PPP6C: variants seen among roughly 807,000 people sequenced by gnomAD.
The protein encoded by PPP6C is serine/threonine-protein phosphatase 6 catalytic subunit.
PPP6C carries 11 observed loss-of-function variants against 39.8 expected under a neutral mutation model. The ratio of observed to expected loss-of-function variants is 0.28; its 90% confidence interval spans 0.17 to 0.46. The LOEUF (loss-of-function observed/expected upper bound fraction) is 0.46, where lower values mean the gene tolerates loss of function less well. PPP6C is among the 20% of genes least tolerant of loss of function. PPP6C has a pLI of 1.00. For missense variants in PPP6C, 211 were observed against 373.9 expected (o/e 0.56, Z 3.59); for synonymous variants, 129 against 130.3 (o/e 0.99, Z 0.07).
At chr9:125,168,664 T>A (rs1829077548) in intron 2 of PPP6C, among the ~76,000 whole-genome samples, 1 of 150,582 alleles carries the variant, frequency 6.6e-6, no homozygotes, top group Admixed American at 6.6e-5. Context: ...TCACCATATT[T>A]GCCAGGATGG....
intron 1 of PPP6C, among the ~76,000 whole-genome samples, chr9:125,175,502 G>A (rs1373691415): frequency 6.6e-6 from 1 of 151,806 alleles, no homozygotes; most frequent in South Asian, 2.1e-4. Context: ...AATTAGCGGG[G>A]CATGGTGGCA....
intron 1 of PPP6C, among the ~76,000 whole-genome samples, chr9:125,178,928 C>G (rs1277939906): frequency 6.6e-6 from 1 of 152,044 alleles, no homozygotes; most frequent in African/African-American, 2.4e-5. Flanking sequence ...TAAGAGTTAT[C>G]TGCAGGCCAG....
At chr9:125,151,609 CT>C in intron 6 of PPP6C, 1 of 726,304 alleles carries the variant, frequency 1.4e-6, no homozygotes, top group Non-Finnish European at 2.5e-6. Flanking sequence ...ACTTCTGAGG[CT>C]TTTTAAGAAT....
At position 125,153,951 on chromosome 9, in the gene PPP6C, G is replaced by C; in HGVS notation, c.414C>G (p.Ala138=). 1 of 1,611,802 alleles carries C rather than the reference G, an allele frequency of 6.2e-7. No homozygotes were observed. ...ECQTKYGNAN[A]WRYCTKVFDM... ...CAAAAACTTTGGTACAGTATCTCCA[G>C]GCATTAGCATTTCCATATTTGGTTT... is the stretch of plus-strand genomic sequence containing the variant. The change falls in exon 5 of 7, where the codon GCC becomes GCG. Residue 138 remains alanine (A), a synonymous_variant. Transcript: ENST00000373547.
At chr9:125,170,818 C>G (rs1271077833) in intron 2 of PPP6C, among the ~76,000 whole-genome samples, 1 of 152,114 alleles carries the variant, frequency 6.6e-6, no homozygotes, top group African/African-American at 2.4e-5. Context: ...CTACCTACCC[C>G]CAACCCCACC....
intron 3 of PPP6C, among the ~76,000 whole-genome samples, chr9:125,159,007 T>C (rs1828782136): frequency 6.6e-6 from 1 of 151,598 alleles, no homozygotes; most frequent in Non-Finnish European, 1.5e-5. Flanking sequence ...ATTAGTTGAT[T>C]TGGTCATCTG....
intron 1 of PPP6C, among the ~76,000 whole-genome samples, chr9:125,187,900 C>T (rs769341066): frequency 2.6e-5 from 4 of 151,942 alleles, no homozygotes; most frequent in Non-Finnish European, 5.9e-5. Context: ...CTATTAAAAA[C>T]GGGAAAATGC....
chr9:125,157,967 G>A (rs1263662557), intron 4 of PPP6C, among the ~76,000 whole-genome samples: 1 of 152,050 alleles, frequency 6.6e-6, no homozygotes, highest in Non-Finnish European at 1.5e-5. Context: ...GAGATTACAG[G>A]TGTGAGCCAC....
At chr9:125,174,386 C>T (rs1379802032) in intron 1 of PPP6C, among the ~76,000 whole-genome samples, 1 of 150,086 alleles carries the variant, frequency 6.7e-6, no homozygotes, top group Non-Finnish European at 1.5e-5. Flanking sequence ...AAACATTATA[C>T]AAAAAATCAG....
At position 125,174,302 on chromosome 9, in the gene PPP6C, A is replaced by C. The variant is rs146052735; in HGVS notation, c.76-3122T>G. ...ATAGCTACACAGTAGCAAGAACAGA[A>C]CTCAATGGGAGTGGGAGGGGGGAAA... is the stretch of plus-strand genomic sequence containing the variant. On this transcript the variant is annotated intron_variant, in intron 1 of 6. Transcript: ENST00000373547. 1.7e-4 allele frequency among the ~76,000 whole-genome samples: 26 copies of C among 152,280 alleles called. No homozygotes were observed. The East Asian group carries it at 4.8e-3, about 28-fold the overall frequency.
At chr9:125,188,908 A>G (rs1397108494) in intron 1 of PPP6C, 1 of 1,547,746 alleles carries the variant, frequency 6.5e-7, no homozygotes. Context: ...CAGGAGTAAC[A>G]AGGAACTCAC....
chr9:125,158,381 C>A lies in PPP6C; in HGVS notation c.239G>T (p.Gly80Val). ...ATAGTAACCTCTGTCTACAAAATCA[C>A]CCTGTGAAGTAAAAGTTTACAGTTA... The part of the protein sequence containing the change: ...QVPDTNYIFM[G>V]DFVDRGYYSL... Residue 80 changes from glycine to valine, a missense_variant and splice_region_variant, in exon 4 of 7, where the codon GGT (glycine) becomes GTT (valine). Gly to Val is a moderately radical substitution (Grantham distance 109). Coordinates refer to ENST00000373547, the MANE Select transcript of PPP6C (RefSeq NM_002721.5). 1 of 1,612,140 alleles carries A rather than the reference C, an allele frequency of 6.2e-7. No individual in the cohort carries two copies. Among genetic ancestry groups the A allele is most frequent in the Non-Finnish European group, 8.5e-7 (1 of 1,179,136 alleles).
chr9:125,166,125 C>A (rs1829007411), intron 2 of PPP6C, among the ~76,000 whole-genome samples: 1 of 152,048 alleles, frequency 6.6e-6, no homozygotes, highest in East Asian at 1.9e-4. Flanking sequence ...TACCCTGTTA[C>A]ATTTGTTATC....
chr9:125,172,607 TA>T (rs1829195836), intron 1 of PPP6C, among the ~76,000 whole-genome samples: 1 of 152,112 alleles, frequency 6.6e-6, no homozygotes. Context: ...GGTGTGGCTA[TA>T]AAAGGGCAAC....
intron 1 of PPP6C, among the ~76,000 whole-genome samples, chr9:125,187,856 C>T (rs144094668): frequency 4.8e-4 from 73 of 152,086 alleles, no homozygotes; most frequent in African/African-American, 1.7e-3. Flanking sequence ...TGCTACATTA[C>T]TACTAACGAA....
intron 1 of PPP6C, among the ~76,000 whole-genome samples, chr9:125,182,705 C>G (rs1436827962): frequency 1.3e-5 from 2 of 149,512 alleles, no homozygotes; most frequent in South Asian, 4.3e-4. Context: ...CAGGGGACTG[C>G]TTGCTGTCTT....
chr9:125,150,597 C>T, intron 6 of PPP6C: 1 of 825,832 alleles, frequency 1.2e-6, no homozygotes, highest in Non-Finnish European at 1.9e-6. Context: ...GTTGCAGTCT[C>T]TGCAGCAGCA....
At chr9:125,157,263 G>T (rs1184528922) in intron 4 of PPP6C, among the ~76,000 whole-genome samples, 3 of 151,948 alleles carry the variant, frequency 2.0e-5, no homozygotes, top group African/African-American at 7.3e-5. Context: ...TTACAGGGGT[G>T]AGCCACTGCG....
chr9:125,151,050 CT>C, intron 6 of PPP6C: 1 of 1,360,412 alleles, frequency 7.4e-7, no homozygotes. Context: ...AAATTCAGGG[CT>C]TTTTTGATAA....
Sources: allele counts gnomAD v4.1 joint callset (sites outside exome capture counted in the v4.1 genomes callset), GRCh38; gene constraint gnomAD v4.1.1; transcripts MANE v1.5; gene names NCBI Gene and HGNC (gene_info 2026-07-23, HGNC 2026-07-21).